Variants in RIMBP2 observed in about 807,000 individuals in gnomAD.
RIMBP2 encodes RIMS-binding protein 2.
RIMBP2 carries 48 observed loss-of-function variants against 118.6 expected under a neutral mutation model. The ratio of observed to expected loss-of-function variants is 0.40; its 90% confidence interval spans 0.32 to 0.51. The LOEUF (loss-of-function observed/expected upper bound fraction) is 0.51, where lower values mean the gene tolerates loss of function less well. Ranked by LOEUF, RIMBP2 falls within the 20% of genes least tolerant of loss-of-function variation. The probability of loss-of-function intolerance (pLI) is 0.41; values close to 1 mark genes in which losing one functional copy is unlikely to be tolerated. For synonymous variants in RIMBP2, 762 were observed against 742.9 expected (o/e 1.03, Z -0.42); for missense variants, 1,551 against 1,768.3 (o/e 0.88, Z 2.20).
At chr12:130,650,973 A>AG (rs1555318468) in intron 1 of RIMBP2, among the ~76,000 whole-genome samples, 189 of 143,290 alleles carry the variant, frequency 1.3e-3, no homozygotes, top group Non-Finnish European at 1.6e-3. Context: ...AAAAAAAAAA[A>AG]AAAGAAAGAA....
At chr12:130,631,532 A>G (rs868084322) in intron 1 of RIMBP2, among the ~76,000 whole-genome samples, 1 of 152,142 alleles carries the variant, frequency 6.6e-6, no homozygotes, top group African/African-American at 2.4e-5. Flanking sequence ...CCAGTAGCAC[A>G]CACGTTTCCC....
intron 2 of RIMBP2, among the ~76,000 whole-genome samples, chr12:130,586,307 C>T (rs1052109964): frequency 6.6e-6 from 1 of 152,134 alleles, no homozygotes; most frequent in Non-Finnish European, 1.5e-5. Context: ...ACAAAATCAG[C>T]CAGGCATGGT....
In RIMBP2 at chr12:130,622,725, T is replaced by C. The variant is rs2061391604; in HGVS notation, c.-217+5597A>G. Among the ~76,000 whole-genome samples the C allele has an allele frequency of 6.6e-6, 1 of 152,236 alleles. No homozygotes were observed. The highest frequency in any genetic ancestry group is 1.5e-5 in the Non-Finnish European group (1 of 68,050). Reference sequence around the variant, plus strand: ...GATTGTTTTTGTCTATTTTATTGCCTGTACAACACTCTTGGAAATATTGGG... The same window carrying C: ...GATTGTTTTTGTCTATTTTATTGCCCGTACAACACTCTTGGAAATATTGGG... On this transcript the variant is annotated intron_variant, in intron 2 of 22. Coordinates refer to ENST00000690449, the MANE Select transcript of RIMBP2 (RefSeq NM_001393629.1). This position sits in a 1 kb window ranked among gnomAD's most constrained non-coding sequence, Gnocchi z 8.5.
At chr12:130,429,527 A>T (rs2077024238) in intron 14 of RIMBP2, 1 of 152,248 alleles carries the variant, frequency 6.6e-6, no homozygotes, top group African/African-American at 2.4e-5. Flanking sequence ...CAGATTGATG[A>T]ATGTAATACA....
Position 130,622,829 on chromosome 12 carries a change from TTC to T in RIMBP2, c.-217+5491_-217+5492del, listed in dbSNP as rs1001843218. ...CCACAAAAGGCATAGAAGACAAAAT[TTC>T]TCTCTCTCTGACCCTGCTCAATGCT... On this transcript the variant is annotated intron_variant, in intron 2 of 22. Transcript: ENST00000690449. The surrounding 1 kb of genome is among the most constrained non-coding windows in gnomAD (Gnocchi z 8.5). Among the ~76,000 whole-genome samples, 7 of 152,272 alleles carry T rather than the reference TTC, an allele frequency of 4.6e-5. No homozygotes were observed. In the East Asian group the frequency reaches 5.8e-4, roughly 13 times the overall value.
chr12:130,419,767 C>T lies in RIMBP2; in HGVS notation c.3238+2686G>A, dbSNP rs1309446509. ...CAGAATCCTCTTGAACGTGGTGCTT[C>T]GGTTTTAGAAGAGTGAAGCTACAGG... On this transcript the variant is annotated intron_variant, in intron 17 of 22. Coordinates refer to ENST00000690449, the MANE Select transcript of RIMBP2 (RefSeq NM_001393629.1). This position sits in a 1 kb window ranked among gnomAD's most constrained non-coding sequence, Gnocchi z 4.3. The T allele has an allele frequency of 6.6e-6, 1 of 152,082 alleles. No individual in the cohort carries two copies. The highest frequency in any genetic ancestry group is 2.1e-4 in the South Asian group (1 of 4,824). 9.4% of individuals were successfully genotyped at this position (152,082 alleles called of 1,614,324 possible). A position where few individuals can be genotyped will look rare whatever the true frequency, so the allele number is the denominator to read the frequency against.
In RIMBP2 at chr12:130,581,989, C is replaced by G. The variant is rs1169982294; in HGVS notation, c.-217+46333G>C. On this transcript the variant is annotated intron_variant, in intron 2 of 22. Transcript: ENST00000690449. This position sits in a 1 kb window ranked among gnomAD's most constrained non-coding sequence, Gnocchi z 4.4. ...CCACCACCACCACCGACCTCAGGAC[C>G]TTTGCACCTGCTGCTCCCTCTGCCT... Among the ~76,000 whole-genome samples, 1 of 152,158 alleles carries G rather than the reference C, an allele frequency of 6.6e-6. No homozygotes were observed. Among genetic ancestry groups the G allele is most frequent in the Non-Finnish European group, 1.5e-5 (1 of 68,038 alleles).
chr12:130,436,485 C>G (rs887778300), intron 13 of RIMBP2, among the ~76,000 whole-genome samples: 3 of 152,080 alleles, frequency 2.0e-5, no homozygotes, highest in Admixed American at 6.5e-5. Context: ...GCCAGCAAAA[C>G]CAGGAAGAGC....
chr12:130,438,336 C>CGGGGG, intron 12 of RIMBP2, 29 bp downstream of exon 12: 4 of 844,138 alleles, frequency 4.7e-6, no homozygotes, highest in African/African-American at 1.9e-5. Context: ...GCCTAACAAA[C>CGGGGG]CCTCCCCACC....
intron 2 of RIMBP2, among the ~76,000 whole-genome samples, chr12:130,533,146 TG>T (rs1292188441): frequency 6.6e-6 from 1 of 151,630 alleles, no homozygotes; most frequent in Non-Finnish European, 1.5e-5. Context: ...ATGAGATGCG[TG>T]TGTTTAGCCT....
chr12:130,583,133 A>T (rs2058584078), intron 2 of RIMBP2, among the ~76,000 whole-genome samples: 1 of 152,166 alleles, frequency 6.6e-6, no homozygotes, highest in African/African-American at 2.4e-5. Flanking sequence ...GCAATGATTC[A>T]GTGCACCGAC....
At chr12:130,609,656 C>G (rs887590924) in intron 2 of RIMBP2, among the ~76,000 whole-genome samples, 1 of 131,326 alleles carries the variant, frequency 7.6e-6, no homozygotes, top group Middle Eastern at 3.7e-3. Flanking sequence ...GTCCCATGAT[C>G]TGCCGTCTGG....
chr12:130,408,094 A>C (rs1167811908), intron 19 of RIMBP2, among the ~76,000 whole-genome samples: 1 of 152,118 alleles, frequency 6.6e-6, no homozygotes, highest in Non-Finnish European at 1.5e-5. Flanking sequence ...CTGTCCATTA[A>C]ACCAGTGAGA....
intron 2 of RIMBP2, among the ~76,000 whole-genome samples, chr12:130,572,803 G>A (rs1460956319): frequency 1.3e-5 from 2 of 152,110 alleles, no homozygotes; most frequent in Non-Finnish European, 1.5e-5. Context: ...AGGACGACCT[G>A]TATGCACTGT....
chr12:130,626,620 C>G (rs1056204666), intron 2 of RIMBP2, among the ~76,000 whole-genome samples: 4 of 150,278 alleles, frequency 2.7e-5, no homozygotes, highest in African/African-American at 9.8e-5. Flanking sequence ...TCCATCACCA[C>G]GACTACCACT....
chr12:130,438,332 CAA>C, intron 12 of RIMBP2, 31 bp downstream of exon 12: 13 of 1,441,438 alleles, frequency 9.0e-6, no homozygotes, highest in Non-Finnish European at 1.3e-5. Context: ...TAGGGCCTAA[CAA>C]ACCCTCCCCA....
chr12:130,570,532 A>G (rs2057551165), intron 2 of RIMBP2, among the ~76,000 whole-genome samples: 1 of 152,222 alleles, frequency 6.6e-6, no homozygotes, highest in African/African-American at 2.4e-5. Context: ...ACAGCATAAA[A>G]CAGGAGCAAC....
chr12:130,492,120 C>T (rs2048701069), intron 4 of RIMBP2, among the ~76,000 whole-genome samples: 3 of 152,188 alleles, frequency 2.0e-5, no homozygotes, highest in Admixed American at 2.0e-4. Flanking sequence ...TTGAATGTCA[C>T]ATTAGTGGGA....
At chr12:130,488,954 G>GGATTCTGTAGA (rs11267359) in intron 4 of RIMBP2, among the ~76,000 whole-genome samples, 8,277 of 152,210 alleles carry the variant, frequency 0.054, 475 homozygotes, top group East Asian at 0.16. Flanking sequence ...AGACACTGGT[G>GGATTCTGTAGA]GATGGGCTCT....
Sources: allele counts gnomAD v4.1 joint callset (sites outside exome capture counted in the v4.1 genomes callset), GRCh38; gene constraint gnomAD v4.1.1; non-coding constraint Gnocchi (gnomAD v3.1); transcripts MANE v1.5; gene names NCBI Gene and HGNC (gene_info 2026-07-23, HGNC 2026-07-21).